Variants in SLC45A3 observed in about 807,000 individuals in gnomAD.
SLC45A3 encodes the protein solute carrier family 45 member 3, also known as prostate cancer associated protein 2.
SLC45A3 carries 17 observed loss-of-function variants against 35.3 expected under a neutral mutation model. The ratio of observed to expected loss-of-function variants is 0.48; its 90% CI spans 0.33 to 0.72. The LOEUF (loss-of-function observed/expected upper bound fraction) is 0.72. Among genes scored for constraint, SLC45A3 ranks in the 30% least tolerant of loss-of-function variants. SLC45A3 has a pLI of 0.02. For missense variants in SLC45A3, 597 were observed against 731.7 expected (o/e 0.82, Z 2.12); for synonymous variants, 288 against 334.3 (o/e 0.86, Z 1.51).
intron 1 of SLC45A3, among the ~76,000 whole-genome samples, chr1:205,667,586 T>C (rs1457344172): frequency 6.6e-6 from 1 of 152,184 alleles, no homozygotes; most frequent in African/African-American, 2.4e-5. Flanking sequence ...TAATCCCAGC[T>C]ACTCAGGAGG....
At chr1:205,670,897 G>A (rs527561778) in intron 1 of SLC45A3, among the ~76,000 whole-genome samples, 1 of 152,338 alleles carries the variant, frequency 6.6e-6, no homozygotes, top group South Asian at 2.1e-4. Flanking sequence ...GCACACCACA[G>A]ACACTGGGAA....
Position 205,664,888 on chromosome 1 carries a change from T to C in SLC45A3, c.-230-2A>G. ...GGGACACGTCTCATCACTCAGATCCTAGAAGGGCGGGGCAATCACAAGCAC... is the reference window on the plus strand; with the variant it reads ...GGGACACGTCTCATCACTCAGATCCCAGAAGGGCGGGGCAATCACAAGCAC... On this transcript the variant is annotated splice_acceptor_variant, in intron 1 of 4. Transcript: ENST00000367145. LOFTEE classifies it low-confidence loss of function (5UTR_SPLICE). The surrounding 1 kb of genome is among the most constrained non-coding windows in gnomAD (Gnocchi z 5.3). The C allele has an allele frequency of 7.3e-7, 1 of 1,371,098 alleles. No individual in the cohort carries two copies. The highest frequency in any genetic ancestry group is 9.4e-7 in the Non-Finnish European group (1 of 1,064,982). The allele number at this position is 1,371,098 out of a possible 1,614,324, so 84.9% of individuals were successfully genotyped here.
At chr1:205,673,012 T>C (rs1189809287) in intron 1 of SLC45A3, among the ~76,000 whole-genome samples, 2 of 152,108 alleles carry the variant, frequency 1.3e-5, no homozygotes, top group Non-Finnish European at 2.9e-5. Context: ...CTCCTACCAA[T>C]GAGTCAAGGG....
chr1:205,671,891 C>T (rs550374896), intron 1 of SLC45A3, among the ~76,000 whole-genome samples: 2 of 152,106 alleles, frequency 1.3e-5, no homozygotes, highest in South Asian at 4.2e-4. Context: ...CACAAACACG[C>T]ACACAAAACA....
In SLC45A3 at chr1:205,658,804, G is replaced by A. The variant is rs911019161; in HGVS notation, c.*430C>T. 3 of 247,290 alleles carry A rather than the reference G, an allele frequency of 1.2e-5. No homozygotes were observed. The highest frequency in any genetic ancestry group is 1.4e-4 in the South Asian group (1 of 7,100). 15.3% of individuals were successfully genotyped at this position (247,290 alleles called of 1,614,324 possible). ...CTCCCATGCAAGAGCTACATTAAAC[G>A]AAGCTGCAGGTTAAGGGGCTTAGAG... On this transcript the variant is annotated 3_prime_UTR_variant, in exon 5 of 5. Transcript: ENST00000367145.
chr1:205,661,800 G>A (rs921621804), intron 4 of SLC45A3, 61 bp downstream of exon 4: 2 of 1,558,498 alleles, frequency 1.3e-6, no homozygotes, highest in Non-Finnish European at 1.7e-6. Context: ...TGAGCTAGTT[G>A]GCCTCCCAAA....
In SLC45A3 at chr1:205,664,597, C is replaced by T. The variant is rs1671087439; in HGVS notation, c.60G>A (p.Leu20=). Residue 20 remains leucine (L), a synonymous_variant, in exon 2 of 5, where the codon CTG becomes CTA. Transcript: ENST00000367145. The surrounding 1 kb of genome is among the most constrained non-coding windows in gnomAD (Gnocchi z 5.3). ...CCAGGCCAAAGGTTAGCAGGTTGAC[C>T]AGCAAGAGCTGGGCTTTCCGGTGCC... ...LLRHRKAQLL[L]VNLLTFGLEV... 1.9e-6 allele frequency: 3 copies of T among 1,614,138 alleles called. No individual in the cohort carries two copies. The highest frequency in any genetic ancestry group is 1.1e-5 in the South Asian group (1 of 91,092).
chr1:205,671,789 C>T lies in SLC45A3; in HGVS notation c.-230-6903G>A, dbSNP rs567851475. ...GCTGAGGCATGAGAATTGCTTGAAA[C>T]CGGGAGGTCAAGGTTGCAGTGAACC... On this transcript the variant is annotated intron_variant, in intron 1 of 4. Coordinates refer to ENST00000367145, the MANE Select transcript of SLC45A3 (RefSeq NM_033102.3). Among the ~76,000 whole-genome samples the T allele has an allele frequency of 2.3e-4, 35 of 152,206 alleles. 1 individual carries two copies. In the South Asian group the frequency reaches 7.3e-3, roughly 32 times the overall value.
Position 205,680,468 on chromosome 1 carries a change from C to G in SLC45A3, c.-305G>C, listed in dbSNP as rs936345050. 6.6e-6 allele frequency: 1 copy of G among 152,490 alleles called. No homozygotes were observed. Among genetic ancestry groups the G allele is most frequent in the East Asian group, 1.9e-4 (1 of 5,192 alleles). 9.4% of individuals were successfully genotyped at this position (152,490 alleles called of 1,614,324 possible). ...TCCGCCCCCCCTTCCTTGCCCCCCA[C>G]GCGCGCCAGCCGGCGGCTTTTAAAT... On this transcript the variant is annotated 5_prime_UTR_variant, in exon 1 of 5. Transcript: ENST00000367145.
intron 1 of SLC45A3, among the ~76,000 whole-genome samples, chr1:205,671,394 G>A (rs556332745): frequency 5.3e-5 from 8 of 152,278 alleles, no homozygotes; most frequent in South Asian, 2.1e-4. Context: ...TCTTCCACCC[G>A]AGGGACCACA....
intron 1 of SLC45A3, among the ~76,000 whole-genome samples, chr1:205,675,514 G>C (rs116691275): frequency 0.01 from 1,585 of 152,250 alleles, 30 homozygotes; most frequent in African/African-American, 0.036. Flanking sequence ...GGCCCTTGGA[G>C]CCTGGGACTT....
At chr1:205,675,606 G>A (rs1438882146) in intron 1 of SLC45A3, among the ~76,000 whole-genome samples, 2 of 152,062 alleles carry the variant, frequency 1.3e-5, no homozygotes, top group African/African-American at 4.8e-5. Flanking sequence ...CATGAGACTG[G>A]GTTTTGATCT....
intron 2 of SLC45A3, 38 bp from the exon 3 acceptor site, chr1:205,663,656 C>A (rs1671069160): frequency 6.6e-7 from 1 of 1,520,796 alleles, no homozygotes; most frequent in Non-Finnish European, 8.8e-7. Flanking sequence ...ATGGCTGGGA[C>A]AAGTAAAGGG....
In SLC45A3 at chr1:205,664,796, A is replaced by G; in HGVS notation, c.-140T>C. 2 of 1,442,206 alleles carry G rather than the reference A, an allele frequency of 1.4e-6. No individual in the cohort carries two copies. Among genetic ancestry groups the G allele is most frequent in the Non-Finnish European group, 1.8e-6 (2 of 1,102,890 alleles). The allele number at this position is 1,442,206 out of a possible 1,614,324, so 89.3% of individuals were successfully genotyped here. ...AATCAGCCAGGCGCCCATTTCTGCC[A>G]GCCCTTTGGTGCCGGTCCAGCTTCT... On this transcript the variant is annotated 5_prime_UTR_variant, in exon 2 of 5. Transcript: ENST00000367145. The surrounding 1 kb of genome is among the most constrained non-coding windows in gnomAD (Gnocchi z 5.3).
At position 205,663,015 on chromosome 1, in the gene SLC45A3, C is replaced by T. The variant is rs779497295; in HGVS notation, c.776G>A (p.Arg259Gln). 8.1e-6 allele frequency: 13 copies of T among 1,611,084 alleles called. No individual in the cohort carries two copies. The highest frequency in any genetic ancestry group is 6.7e-5 in the African/African-American group (5 of 74,862). The change falls in exon 3 of 5, where the codon CGG becomes CAG. Residue 259 changes from arginine to glutamine, a missense_variant. Physicochemically the swap from Arg to Gln is conservative, Grantham distance 43. Transcript: ENST00000367145. Reference sequence around the variant, plus strand: ...CATGCGGCAGCACAGCTGGTGCAGCCGGGGAAGCAGGGCGCCCAGGTTCCG... The same window carrying T: ...CATGCGGCAGCACAGCTGGTGCAGCTGGGGAAGCAGGGCGCCCAGGTTCCG... ...AFRNLGALLPRLHQLCCRMPR... is the reference protein window; with the variant it reads ...AFRNLGALLPQLHQLCCRMPR...
intron 1 of SLC45A3, among the ~76,000 whole-genome samples, chr1:205,668,107 T>C (rs963648624): frequency 3.3e-5 from 5 of 152,144 alleles, no homozygotes; most frequent in African/African-American, 1.2e-4. Flanking sequence ...CAGAGTCCTC[T>C]TGATACCCCC....
At position 205,666,300 on chromosome 1, in the gene SLC45A3, G is replaced by A. The variant is rs1173598428; in HGVS notation, c.-230-1414C>T. Among the ~76,000 whole-genome samples the A allele has an allele frequency of 6.6e-6, 1 of 152,182 alleles. No homozygotes were observed. The highest frequency in any genetic ancestry group is 1.9e-4 in the East Asian group (1 of 5,172). ...AGGCAGGAGGATCACTTCAGCCTGG[G>A]AGTTTGAGACCAGCCTGGGCAACAC... On this transcript the variant is annotated intron_variant, in intron 1 of 4. Coordinates refer to ENST00000367145, the MANE Select transcript of SLC45A3 (RefSeq NM_033102.3). This position sits in a 1 kb window ranked among gnomAD's most constrained non-coding sequence, Gnocchi z 4.1.
In SLC45A3 at chr1:205,659,081, C is replaced by T. The variant is rs772023601; in HGVS notation, c.*153G>A. ...GCCCCAGCCCCCAGCTGTGCAGCTA[C>T]GCACCTCAGCAGCACAGGGTGGCAG... On this transcript the variant is annotated 3_prime_UTR_variant, in exon 5 of 5. Coordinates refer to ENST00000367145, the MANE Select transcript of SLC45A3 (RefSeq NM_033102.3). The surrounding 1 kb of genome is among the most constrained non-coding windows in gnomAD (Gnocchi z 5.8). 17 of 752,174 alleles carry T rather than the reference C, an allele frequency of 2.3e-5. No individual in the cohort carries two copies. The highest frequency in any genetic ancestry group is 7.4e-5 in the South Asian group (4 of 54,150). The allele number at this position is 752,174 out of a possible 1,614,324, so 46.6% of individuals were successfully genotyped here.
chr1:205,671,637 T>C (rs1304262413), intron 1 of SLC45A3, among the ~76,000 whole-genome samples: 1 of 152,162 alleles, frequency 6.6e-6, no homozygotes, highest in African/African-American at 2.4e-5. Context: ...GGCAGGCAGA[T>C]TACCTGAGGT....
Sources: allele counts gnomAD v4.1 joint callset (sites outside exome capture counted in the v4.1 genomes callset), GRCh38; gene constraint gnomAD v4.1.1; non-coding constraint Gnocchi (gnomAD v3.1); transcripts MANE v1.5; gene names NCBI Gene and HGNC (gene_info 2026-07-23, HGNC 2026-07-21).